The following CHST11 variants were observed in gnomAD, a reference collection of about 807,000 sequenced individuals.
CHST11 encodes carbohydrate sulfotransferase 11, also known as C4S-1.
CHST11 carries 9 observed loss-of-function variants against 30.4 expected under a neutral mutation model. The observed-to-expected ratio is 0.30, with a 90% CI of 0.18 to 0.52. The LOEUF (loss-of-function observed/expected upper bound fraction) is 0.52. CHST11 is among the 20% of genes least tolerant of loss of function. The probability of loss-of-function intolerance (pLI) is 0.97; values close to 1 mark genes in which losing one functional copy is unlikely to be tolerated. For synonymous variants in CHST11, 152 were observed against 187.8 expected (o/e 0.81, Z 1.56); for missense variants, 348 against 460.6 (o/e 0.76, Z 2.24).
intron 1 of CHST11, chr12:104,513,960 G>C: frequency 1.7e-6 from 1 of 597,848 alleles, no homozygotes; most frequent in Non-Finnish European, 3.0e-6. Flanking sequence ...AAAGAAGAGA[G>C]GGTTAGAGCT....
At chr12:104,584,544 A>AC in intron 1 of CHST11, among the ~76,000 whole-genome samples, 1 of 152,322 alleles carries the variant, frequency 6.6e-6, no homozygotes, top group South Asian at 2.1e-4. Context: ...GGCGTGAGCC[A>AC]CCATGCCCTG....
chr12:104,672,284 T>A lies in CHST11; in HGVS notation c.204+70293T>A, dbSNP rs543126094. On this transcript the variant is annotated intron_variant, in intron 2 of 2. Coordinates refer to ENST00000303694, the MANE Select transcript of CHST11 (RefSeq NM_018413.6). ...AGGTCAGCTCTGGCTTGCGGAGTAA[T>A]GGCTCGTGTGAGTGATGTGTGTGCA... Among the ~76,000 whole-genome samples the A allele has an allele frequency of 9.1e-4, 139 of 152,102 alleles. 1 individual carries two copies. The highest frequency in any genetic ancestry group is 7.6e-3 in the Admixed American group (116 of 15,284).
chr12:104,472,164 A>G (rs560406879), intron 1 of CHST11, among the ~76,000 whole-genome samples: 1 of 146,166 alleles, frequency 6.8e-6, no homozygotes, highest in African/African-American at 2.5e-5. Flanking sequence ...TTGTAGAGAC[A>G]GGGTCTAGTT....
At chr12:104,673,041 T>C (rs909639633) in intron 2 of CHST11, among the ~76,000 whole-genome samples, 13 of 152,272 alleles carry the variant, frequency 8.5e-5, no homozygotes, top group South Asian at 2.1e-4. Flanking sequence ...TAAGGGAAGA[T>C]TTATTATTTG....
chr12:104,678,156 C>T (rs981188932), intron 2 of CHST11, among the ~76,000 whole-genome samples: 2 of 152,158 alleles, frequency 1.3e-5, no homozygotes, highest in African/African-American at 2.4e-5. Context: ...TTTAACCTTA[C>T]ATTTAACTTT....
At chr12:104,604,027 A>C (rs990624968) in intron 2 of CHST11, among the ~76,000 whole-genome samples, 4 of 152,194 alleles carry the variant, frequency 2.6e-5, no homozygotes, top group Admixed American at 1.3e-4. Context: ...CGCTGGGCAC[A>C]AAAGGGTGGA....
At chr12:104,530,100 T>G (rs1348649617) in intron 1 of CHST11, among the ~76,000 whole-genome samples, 1 of 152,074 alleles carries the variant, frequency 6.6e-6, no homozygotes, top group Non-Finnish European at 1.5e-5. Flanking sequence ...TGGAGGTTGC[T>G]GTGAGCCGAG....
intron 2 of CHST11, among the ~76,000 whole-genome samples, chr12:104,720,675 A>C (rs1019835279): frequency 1.3e-5 from 2 of 152,220 alleles, no homozygotes; most frequent in Admixed American, 6.5e-5. Flanking sequence ...AGGCAGAGGA[A>C]CACCACGAGC....
intron 2 of CHST11, among the ~76,000 whole-genome samples, chr12:104,604,865 A>T (rs749963635): frequency 2.0e-5 from 3 of 152,144 alleles, no homozygotes; most frequent in Non-Finnish European, 2.9e-5. Context: ...CATCTTAGTT[A>T]CTCTGTTACC....
rs573302214 is a variant in CHST11, at chr12:104,538,120, C to T, written c.119-63786C>T. 2.0e-5 allele frequency among the ~76,000 whole-genome samples: 3 copies of T among 152,274 alleles called. No homozygotes were observed. In the South Asian group the frequency reaches 6.2e-4, roughly 32 times the overall value. ...TGTTACCTAATGTTCTTTTCTTATT[C>T]CAGAATTCCATGCAAGAGATCACAT... On this transcript the variant is annotated intron_variant, in intron 1 of 2. Transcript: ENST00000303694.
intron 2 of CHST11, among the ~76,000 whole-genome samples, chr12:104,740,491 A>G (rs979591202): frequency 6.6e-6 from 1 of 152,202 alleles, no homozygotes; most frequent in African/African-American, 2.4e-5. Flanking sequence ...GCAGCACAAC[A>G]AAAAGGCATA....
At chr12:104,558,538 T>TCCCCC (rs71441899) in intron 1 of CHST11, among the ~76,000 whole-genome samples, 14 of 117,760 alleles carry the variant, frequency 1.2e-4, no homozygotes, top group African/African-American at 1.7e-4. Flanking sequence ...CAGCAGAAAT[T>TCCCCC]CCCCCCCCCG....
chr12:104,505,849 G>A (rs1389784052), intron 1 of CHST11, among the ~76,000 whole-genome samples: 2 of 152,142 alleles, frequency 1.3e-5, no homozygotes, highest in Admixed American at 1.3e-4. Flanking sequence ...TGTGTCTCAT[G>A]CTTTGCTATA....
chr12:104,649,478 C>CT (rs1449606597), intron 2 of CHST11, among the ~76,000 whole-genome samples: 8 of 152,056 alleles, frequency 5.3e-5, no homozygotes, highest in African/African-American at 1.9e-4. Flanking sequence ...CAGTATCTGC[C>CT]TGAGGTCACA....
chr12:104,475,689 T>TATATATATATATATATATATATATAA (rs1232136682), intron 1 of CHST11, among the ~76,000 whole-genome samples: 8 of 77,562 alleles, frequency 1.0e-4, no homozygotes, highest in African/African-American at 2.9e-4. Context: ...TATATATATA[T>TATATATATATATATATATATATATAA]ATTTCTGATT....
chr12:104,578,772 G>A (rs1325863208), intron 1 of CHST11, among the ~76,000 whole-genome samples: 1 of 152,230 alleles, frequency 6.6e-6, no homozygotes, highest in Admixed American at 6.5e-5. Flanking sequence ...ATTGGAGATA[G>A]AGAGATAGGA....
Position 104,696,677 on chromosome 12 carries a change from A to G in CHST11, c.205-60272A>G, listed in dbSNP as rs550808553. ...TGAGACTCGGTCTCAAAAAAAGAAT[A>G]AAATAAAATAAACAAACCATCACCA... On this transcript the variant is annotated intron_variant, in intron 2 of 2. Transcript: ENST00000303694. Among the ~76,000 whole-genome samples, 4 of 152,088 alleles carry G rather than the reference A, an allele frequency of 2.6e-5. No individual in the cohort carries two copies. The East Asian group carries it at 7.7e-4, about 29-fold the overall frequency.
At chr12:104,593,932 G>A (rs1197641658) in intron 1 of CHST11, among the ~76,000 whole-genome samples, 1 of 152,168 alleles carries the variant, frequency 6.6e-6, no homozygotes, top group Non-Finnish European at 1.5e-5. Context: ...AAACCACTTT[G>A]AGGAAGCATT....
At chr12:104,537,379 CACG>C (rs762259599) in intron 1 of CHST11, among the ~76,000 whole-genome samples, 3 of 151,674 alleles carry the variant, frequency 2.0e-5, no homozygotes, top group Non-Finnish European at 3.0e-5. Context: ...TGTGGCTTTC[CACG>C]ACATTAGGGG....
Sources: gnomAD v4.1 joint callset for allele counts (sites outside exome capture counted in the v4.1 genomes callset) on GRCh38, gnomAD v4.1.1 for gene constraint, MANE v1.5 for transcripts, NCBI Gene and HGNC (gene_info 2026-07-23, HGNC 2026-07-21) for gene names.